Variants in ERCC6L2 observed in about 807,000 individuals in gnomAD.
ERCC6L2 encodes the protein DNA excision repair protein ERCC-6-like 2.
ERCC6L2 carries 77 observed loss-of-function variants against 132.0 expected under a neutral mutation model. The observed-to-expected ratio is 0.58, with a 90% CI of 0.49 to 0.71. The LOEUF (loss-of-function observed/expected upper bound fraction) is 0.71, where lower values mean the gene tolerates loss of function less well. Among genes scored for constraint, ERCC6L2 ranks in the 30% least tolerant of loss-of-function variants. The pLI is 0.00. For synonymous variants in ERCC6L2, 583 were observed against 632.4 expected (o/e 0.92, Z 1.17); for missense variants, 1,542 against 1,837.6 (o/e 0.84, Z 2.94).
At chr9:95,967,476 G>A (rs1251585237) in intron 14 of ERCC6L2, 1 of 152,134 alleles carries the variant, frequency 6.6e-6, no homozygotes, top group African/African-American at 2.4e-5. Flanking sequence ...CATAAAGGCA[G>A]TTCAAGGAGC....
At chr9:95,974,782 C>T (rs557421589) in intron 16 of ERCC6L2, among the ~76,000 whole-genome samples, 14 of 150,322 alleles carry the variant, frequency 9.3e-5, no homozygotes, top group South Asian at 6.3e-4. Flanking sequence ...TGTATGTATA[C>T]GTATATTTGT....
At chr9:95,948,455 C>T (rs948997924) in intron 12 of ERCC6L2, among the ~76,000 whole-genome samples, 3 of 152,128 alleles carry the variant, frequency 2.0e-5, no homozygotes, top group African/African-American at 7.2e-5. Context: ...GAGTTTGAGA[C>T]CAGCCTGGCC....
At chr9:95,988,034 G>T (rs1339671320) in intron 17 of ERCC6L2, among the ~76,000 whole-genome samples, 1 of 152,200 alleles carries the variant, frequency 6.6e-6, no homozygotes, top group Non-Finnish European at 1.5e-5. Context: ...GCCATGGCTA[G>T]AGCGGCTAGG....
intron 14 of ERCC6L2, chr9:95,967,729 G>C (rs1385553318): frequency 3.3e-5 from 5 of 152,100 alleles, no homozygotes; most frequent in African/African-American, 1.2e-4. Flanking sequence ...TCTGAATTCA[G>C]TGGCCCATTT....
chr9:95,923,254 T>G lies in ERCC6L2; in HGVS notation c.1414-6T>G. 6.2e-7 allele frequency: 1 copy of G among 1,612,364 alleles called. No individual in the cohort carries two copies. The highest frequency in any genetic ancestry group is 8.5e-7 in the Non-Finnish European group (1 of 1,178,988). ...AATATCTTTTCTTCTGCCTTTTCCC[T>G]TCAAGGAAACACTTATCAAAAGGAT... On this transcript the variant is annotated splice_region_variant and splice_polypyrimidine_tract_variant and intron_variant, in intron 8 of 18. Transcript: ENST00000653738.
intron 3 of ERCC6L2, among the ~76,000 whole-genome samples, chr9:95,903,042 T>C (rs926808100): frequency 1.3e-5 from 2 of 152,094 alleles, no homozygotes; most frequent in African/African-American, 4.8e-5. Context: ...AAAAGCCTTT[T>C]GTACTCTAAA....
chr9:95,969,376 G>A (rs1391907183), intron 14 of ERCC6L2, among the ~76,000 whole-genome samples: 1 of 152,202 alleles, frequency 6.6e-6, no homozygotes, highest in Non-Finnish European at 1.5e-5. Flanking sequence ...TAATCCAGCT[G>A]AGAGATGATG....
chr9:95,906,159 A>G (rs998982947), intron 3 of ERCC6L2, among the ~76,000 whole-genome samples: 5 of 152,154 alleles, frequency 3.3e-5, no homozygotes, highest in African/African-American at 1.2e-4. Flanking sequence ...CTGAGTTTCA[A>G]GAGAGAGCAG....
At chr9:95,895,827 C>T (rs976527153) in intron 2 of ERCC6L2, among the ~76,000 whole-genome samples, 5 of 151,152 alleles carry the variant, frequency 3.3e-5, no homozygotes, top group African/African-American at 1.2e-4. Flanking sequence ...CCCAGGTTCA[C>T]GCCATTCTCC....
chr9:95,913,007 AT>A, intron 4 of ERCC6L2, among the ~76,000 whole-genome samples: 1 of 152,202 alleles, frequency 6.6e-6, no homozygotes, highest in Admixed American at 6.5e-5. Flanking sequence ...ACTGTCAGTG[AT>A]GCCAAGTTTG....
intron 11 of ERCC6L2, among the ~76,000 whole-genome samples, chr9:95,938,604 C>G (rs62562981): frequency 0.096 from 14,580 of 152,116 alleles, 799 homozygotes; most frequent in Admixed American, 0.14. Context: ...TTTCTTTGCT[C>G]TGACATATAC....
chr9:95,947,659 AG>A (rs2132924964), intron 12 of ERCC6L2, among the ~76,000 whole-genome samples: 1 of 152,326 alleles, frequency 6.6e-6, no homozygotes, highest in East Asian at 1.9e-4. Flanking sequence ...TGGCTTCAAA[AG>A]ATAGGCTGAC....
intron 11 of ERCC6L2, among the ~76,000 whole-genome samples, chr9:95,931,827 G>T (rs534410828): frequency 6.6e-6 from 1 of 151,670 alleles, no homozygotes. Context: ...CAGTAGGCTT[G>T]TATTCTGAAG....
intron 17 of ERCC6L2, among the ~76,000 whole-genome samples, chr9:96,004,092 G>A (rs533424324): frequency 6.6e-6 from 1 of 152,286 alleles, no homozygotes; most frequent in African/African-American, 2.4e-5. Flanking sequence ...ATTACATAAA[G>A]ATTGGTATTT....
At chr9:95,897,995 T>G in intron 3 of ERCC6L2, 24 bp downstream of exon 3, 1 of 1,579,610 alleles carries the variant, frequency 6.3e-7, no homozygotes, top group Non-Finnish European at 8.6e-7. Flanking sequence ...ACAATGTATA[T>G]TCTACTCATG....
At chr9:95,956,486 AG>A (rs2132989262) in intron 13 of ERCC6L2, among the ~76,000 whole-genome samples, 1 of 152,296 alleles carries the variant, frequency 6.6e-6, no homozygotes, top group South Asian at 2.1e-4. Context: ...TACCTAAGCC[AG>A]TGTGTTAGTT....
At position 96,027,114 on chromosome 9, in the gene ERCC6L2, C is replaced by T. The variant is rs564232776; in HGVS notation, c.*1504-11762C>T. 6.8e-3 allele frequency among the ~76,000 whole-genome samples: 1,022 copies of T among 149,332 alleles called. 4 individuals are homozygous for T. Among genetic ancestry groups the T allele is most frequent in the Non-Finnish European group, 0.011 (762 of 66,868 alleles). Reference sequence around the variant, plus strand: ...TACCCACCACCCCACACACTACACACACCACACACACCACACACAACACAC... The same window carrying T: ...TACCCACCACCCCACACACTACACATACCACACACACCACACACAACACAC... On this transcript the variant is annotated intron_variant and NMD_transcript_variant, in intron 19 of 20. Coordinates refer to the ERCC6L2 transcript ENST00000670016.
At chr9:95,937,320 A>T (rs868646842) in intron 11 of ERCC6L2, among the ~76,000 whole-genome samples, 2 of 152,140 alleles carry the variant, frequency 1.3e-5, no homozygotes, top group Non-Finnish European at 1.5e-5. Context: ...AGCCATTCTG[A>T]TGGGCATGTA....
chr9:95,907,857 C>CACACACACCCACACACCCACA, intron 4 of ERCC6L2, among the ~76,000 whole-genome samples: 1 of 133,740 alleles, frequency 7.5e-6, no homozygotes, highest in African/African-American at 2.8e-5. Context: ...ACACACACAC[C>CACACACACCCACACACCCACA]CCCACACCCA....
Sources: allele counts gnomAD v4.1 joint callset (sites outside exome capture counted in the v4.1 genomes callset), GRCh38; gene constraint gnomAD v4.1.1; transcripts MANE v1.5; gene names NCBI Gene and HGNC (gene_info 2026-07-23, HGNC 2026-07-21).